The following SUPT3H variants were observed in gnomAD, a reference collection of about 807,000 sequenced individuals.
SUPT3H encodes the protein SPT3 homolog, SAGA and STAGA complex component.
Under a neutral mutation model 44.3 loss-of-function variants are expected in SUPT3H, and 44 were observed. The ratio of observed to expected loss-of-function variants is 0.99; its 90% CI spans 0.78 to 1.28. The LOEUF is 1.28. Among genes scored for constraint, SUPT3H ranks in the 50% most tolerant of loss-of-function variants. SUPT3H has a pLI of 0.00. For synonymous variants in SUPT3H, 124 were observed against 125.6 expected (o/e 0.99, Z 0.09); for missense variants, 380 against 387.1 (o/e 0.98, Z 0.15).
At position 45,158,298 on chromosome 6, in the gene SUPT3H, A is replaced by ATATATATATATATATATATATTT; in HGVS notation, c.102-52293_102-52292insAAATATATATATATATATATATA. Among the ~76,000 whole-genome samples, 35 of 99,672 alleles carry ATATATATATATATATATATATTT rather than the reference A, an allele frequency of 3.5e-4. 1 individual carries two copies. Among genetic ancestry groups the ATATATATATATATATATATATTT allele is most frequent in the African/African-American group, 1.6e-3 (32 of 19,966 alleles). The allele number at this position is 99,672 out of a possible 152,430, so 65.4% of individuals were successfully genotyped here. The stretch of plus-strand genomic sequence containing the variant: ...TACATATATATATATATATATATAT[A>ATATATATATATATATATATATTT]TTTTTTTTTTTTTTTTTTTGAGATG... On this transcript the variant is annotated intron_variant, in intron 2 of 10. Transcript: ENST00000371459.
intron 10 of SUPT3H, among the ~76,000 whole-genome samples, chr6:44,916,185 T>G (rs749849554): frequency 2.0e-5 from 3 of 152,212 alleles, no homozygotes; most frequent in Non-Finnish European, 4.4e-5. Flanking sequence ...AGGAACTATT[T>G]CTGGGTAAGG....
At chr6:44,833,513 T>A (rs1303293004) in intron 10 of SUPT3H, among the ~76,000 whole-genome samples, 1 of 152,144 alleles carries the variant, frequency 6.6e-6, no homozygotes, top group Non-Finnish European at 1.5e-5. Flanking sequence ...AGGCTTTTGT[T>A]TTTTTGCTTC....
At chr6:45,233,131 A>G (rs1232851805) in intron 2 of SUPT3H, among the ~76,000 whole-genome samples, 2 of 152,232 alleles carry the variant, frequency 1.3e-5, no homozygotes, top group East Asian at 3.9e-4. Flanking sequence ...TTCTTTGTAC[A>G]AGAGGCTGTC....
chr6:45,062,870 A>G (rs1474824957), intron 3 of SUPT3H, among the ~76,000 whole-genome samples: 1 of 152,088 alleles, frequency 6.6e-6, no homozygotes, highest in East Asian at 1.9e-4. Context: ...GCAAGGCGGC[A>G]GCGAGGCTGG....
chr6:44,832,673 A>AAATT (rs1769042127), intron 10 of SUPT3H, among the ~76,000 whole-genome samples: 1 of 152,116 alleles, frequency 6.6e-6, no homozygotes, highest in African/African-American at 2.4e-5. Context: ...ATTAGTTATA[A>AAATT]AATTAGGAAT....
intron 3 of SUPT3H, among the ~76,000 whole-genome samples, chr6:45,105,651 G>T (rs1181289812): frequency 2.0e-5 from 3 of 152,304 alleles, no homozygotes; most frequent in South Asian, 2.1e-4. Context: ...GATGATGGCT[G>T]CTGACTGCCC....
intron 2 of SUPT3H, among the ~76,000 whole-genome samples, chr6:45,228,925 C>A (rs1190984225): frequency 1.3e-5 from 2 of 152,202 alleles, no homozygotes; most frequent in East Asian, 3.9e-4. Context: ...CAGGCATGAG[C>A]CACCGTGCCC....
At chr6:44,810,100 G>T (rs1398276945) in intron 11 of SUPT3H, among the ~76,000 whole-genome samples, 1 of 152,166 alleles carries the variant, frequency 6.6e-6, no homozygotes, top group African/African-American at 2.4e-5. Context: ...CTGGACAAGA[G>T]CTAAATACCA....
chr6:45,174,163 C>T (rs1282204080), intron 2 of SUPT3H, among the ~76,000 whole-genome samples: 1 of 152,184 alleles, frequency 6.6e-6, no homozygotes, highest in African/African-American at 2.4e-5. Flanking sequence ...TGCAGCTTTT[C>T]TTGGCTAAGT....
At chr6:45,000,250 A>G (rs1215022797) in intron 6 of SUPT3H, among the ~76,000 whole-genome samples, 1 of 152,010 alleles carries the variant, frequency 6.6e-6, no homozygotes, top group African/African-American at 2.4e-5. Flanking sequence ...GTGAATGTTT[A>G]TCTTACTGGG....
intron 10 of SUPT3H, among the ~76,000 whole-genome samples, chr6:44,910,009 G>A (rs1373151480): frequency 1.3e-5 from 2 of 152,166 alleles, no homozygotes; most frequent in Non-Finnish European, 2.9e-5. Context: ...GTCTTAAAGT[G>A]TTTCAGAGGA....
chr6:45,344,687 C>G (rs1790491024), intron 2 of SUPT3H, among the ~76,000 whole-genome samples: 1 of 151,994 alleles, frequency 6.6e-6, no homozygotes, highest in African/African-American at 2.4e-5. Flanking sequence ...AGTGTATAAA[C>G]TAGCTCTTCA....
chr6:44,906,711 G>A (rs1016746565), intron 10 of SUPT3H, among the ~76,000 whole-genome samples: 10 of 152,230 alleles, frequency 6.6e-5, no homozygotes, highest in South Asian at 2.1e-4. Context: ...GCAGTGAGCC[G>A]AGACTGCGCC....
At chr6:44,876,984 G>A (rs910199901) in intron 10 of SUPT3H, among the ~76,000 whole-genome samples, 1 of 151,962 alleles carries the variant, frequency 6.6e-6, no homozygotes. Flanking sequence ...AAAAAGATGG[G>A]GTAGGTTATA....
intron 6 of SUPT3H, among the ~76,000 whole-genome samples, chr6:44,987,800 C>CT (rs1273818801): frequency 6.6e-6 from 1 of 152,030 alleles, no homozygotes; most frequent in African/African-American, 2.4e-5. Flanking sequence ...CCGATTACTT[C>CT]TTTTTTCTCA....
rs1402011487 is a variant in SUPT3H, at chr6:44,908,703, T to C, written c.912+23950A>G. On this transcript the variant is annotated intron_variant, in intron 10 of 10. Transcript: ENST00000371459. ...CTTCACTGCAAGCCAACTTTGTGCC[T>C]AGCACTATGCAAAGAACTGTGGAAA... Among the ~76,000 whole-genome samples the C allele has an allele frequency of 6.6e-5, 10 of 152,104 alleles. No homozygotes were observed. In the East Asian group the frequency reaches 9.6e-4, roughly 15 times the overall value.
intron 2 of SUPT3H, among the ~76,000 whole-genome samples, chr6:45,259,799 A>G (rs1348140045): frequency 6.6e-6 from 1 of 152,192 alleles, no homozygotes; most frequent in Non-Finnish European, 1.5e-5. Context: ...TAAAGGCAGC[A>G]TAATGTTGGT....
intron 2 of SUPT3H, among the ~76,000 whole-genome samples, chr6:45,250,660 A>C (rs1772205596): frequency 6.6e-6 from 1 of 152,150 alleles, no homozygotes; most frequent in African/African-American, 2.4e-5. Flanking sequence ...AAAATTTCCA[A>C]GAACTGAAAG....
At chr6:45,302,156 ATGAG>A (rs999417900) in intron 2 of SUPT3H, among the ~76,000 whole-genome samples, 2 of 152,108 alleles carry the variant, frequency 1.3e-5, no homozygotes, top group Non-Finnish European at 2.9e-5. Flanking sequence ...ATTTGGTCAC[ATGAG>A]TAAGTTTTTT....
Sources: allele counts gnomAD v4.1 joint callset (sites outside exome capture counted in the v4.1 genomes callset), GRCh38; gene constraint gnomAD v4.1.1; transcripts MANE v1.5; gene names NCBI Gene and HGNC (gene_info 2026-07-23, HGNC 2026-07-21).